ANO4: variants seen among roughly 807,000 people sequenced by gnomAD.
ANO4 encodes anoctamin 4.
ANO4 carries 69 observed loss-of-function variants against 141.9 expected under a neutral mutation model. The ratio of observed to expected loss-of-function variants is 0.49; its 90% confidence interval spans 0.40 to 0.59. The LOEUF is 0.59. Ranked by LOEUF, ANO4 falls within the 20% of genes least tolerant of loss-of-function variation. The probability of loss-of-function intolerance (pLI) is 0.00; values close to 1 mark genes in which losing one functional copy is unlikely to be tolerated. For synonymous variants in ANO4, 350 were observed against 394.3 expected (o/e 0.89, Z 1.33); for missense variants, 894 against 1,162.2 (o/e 0.77, Z 3.36).
chr12:100,827,715 A>G (rs2135759187), intron 1 of ANO4, among the ~76,000 whole-genome samples: 1 of 152,014 alleles, frequency 6.6e-6, no homozygotes, highest in Non-Finnish European at 1.5e-5. Flanking sequence ...TAATAAAAGC[A>G]TTTTTAGCAT....
At chr12:100,733,897 T>A in intron 2 of ANO4, 1 of 674,232 alleles carries the variant, frequency 1.5e-6, no homozygotes. Context: ...AAAAAAATAT[T>A]ATTGCCTGGA....
intron 3 of ANO4, among the ~76,000 whole-genome samples, chr12:100,755,333 C>T (rs1168016768): frequency 6.6e-6 from 1 of 152,128 alleles, no homozygotes; most frequent in Non-Finnish European, 1.5e-5. Context: ...CCGATTCCTC[C>T]TCAAGGGCTT....
chr12:100,818,284 T>C (rs1257018811), intron 1 of ANO4, among the ~76,000 whole-genome samples: 1 of 151,902 alleles, frequency 6.6e-6, no homozygotes, highest in African/African-American at 2.4e-5. Flanking sequence ...AATGGACCAT[T>C]GTTCTAAAGA....
chr12:100,798,000 A>G (rs1400058112), intron 1 of ANO4, among the ~76,000 whole-genome samples: 1 of 152,196 alleles, frequency 6.6e-6, no homozygotes, highest in East Asian at 1.9e-4. Context: ...TTCTGCAGGC[A>G]TTCTTATCAT....
intron 5 of ANO4, among the ~76,000 whole-genome samples, chr12:100,957,752 G>A (rs188986172): frequency 1.5e-3 from 236 of 152,304 alleles, no homozygotes; most frequent in African/African-American, 2.7e-3. Flanking sequence ...CGCCAAGCCC[G>A]GCTACTTTCC....
chr12:100,814,862 A>T (rs2135716203), intron 1 of ANO4, among the ~76,000 whole-genome samples: 1 of 152,254 alleles, frequency 6.6e-6, no homozygotes, highest in East Asian at 1.9e-4. Context: ...GTTTGGGGAC[A>T]TGAGGTTCAC....
chr12:100,763,660 A>G (rs1453263619), intron 3 of ANO4, among the ~76,000 whole-genome samples: 2 of 152,164 alleles, frequency 1.3e-5, no homozygotes, highest in Non-Finnish European at 2.9e-5. Flanking sequence ...TGTCTGGTAT[A>G]CTGCTCCCTT....
chr12:100,864,038 T>G (rs1017975506), intron 1 of ANO4, among the ~76,000 whole-genome samples: 1 of 152,176 alleles, frequency 6.6e-6, no homozygotes, highest in East Asian at 1.9e-4. Context: ...TTCCTCTGGG[T>G]TGGCTTCCTT....
chr12:101,012,154 A>T (rs965152985), intron 8 of ANO4, among the ~76,000 whole-genome samples: 1 of 152,108 alleles, frequency 6.6e-6, no homozygotes, highest in East Asian at 1.9e-4. Context: ...GTGGTTCTCT[A>T]TGGGAATCAC....
intron 16 of ANO4, 127 bp from the exon 17 acceptor site, chr12:101,086,533 G>A: frequency 1.1e-6 from 1 of 950,380 alleles, no homozygotes; most frequent in South Asian, 1.6e-5. Context: ...GCATTTGATT[G>A]TGATCTCTTG....
chr12:101,042,782 T>A (rs1412413336), intron 12 of ANO4, among the ~76,000 whole-genome samples: 1 of 152,212 alleles, frequency 6.6e-6, no homozygotes, highest in African/African-American at 2.4e-5. Flanking sequence ...TTTTCTTAGC[T>A]GATACTGCAA....
At chr12:101,020,862 T>C (rs1318607199) in intron 9 of ANO4, among the ~76,000 whole-genome samples, 1 of 152,198 alleles carries the variant, frequency 6.6e-6, no homozygotes, top group African/African-American at 2.4e-5. Flanking sequence ...TTCTTATCTC[T>C]TTTTCCAGCA....
intron 5 of ANO4, among the ~76,000 whole-genome samples, chr12:100,966,346 A>C (rs1278011838): frequency 6.6e-6 from 1 of 152,014 alleles, no homozygotes; most frequent in Non-Finnish European, 1.5e-5. Context: ...CATTTGAACA[A>C]ACTGAGGCAC....
intron 3 of ANO4, among the ~76,000 whole-genome samples, chr12:100,780,491 A>G (rs1396370242): frequency 6.6e-6 from 1 of 152,210 alleles, no homozygotes; most frequent in Non-Finnish European, 1.5e-5. Context: ...GGTCTGGGAA[A>G]GGATTAGGTA....
chr12:100,721,055 A>G (rs528290497), intron 1 of ANO4, among the ~76,000 whole-genome samples: 8 of 152,336 alleles, frequency 5.3e-5, no homozygotes, highest in Non-Finnish European at 1.2e-4. Context: ...GGTGACTCCC[A>G]CATAGAAATC....
chr12:100,834,346 GAC>G (rs1593463595), intron 1 of ANO4, among the ~76,000 whole-genome samples: 1 of 152,116 alleles, frequency 6.6e-6, no homozygotes, highest in East Asian at 1.9e-4. Flanking sequence ...CACAGCAGGA[GAC>G]ACAGAAGTCC....
intron 1 of ANO4, among the ~76,000 whole-genome samples, chr12:100,811,680 G>A (rs115942765): frequency 0.011 from 1,746 of 152,252 alleles, 42 homozygotes; most frequent in African/African-American, 0.04. Flanking sequence ...CTGACCAAAG[G>A]TTCTAGTTTG....
At chr12:100,902,543 C>T (rs1010280731) in intron 2 of ANO4, among the ~76,000 whole-genome samples, 28 of 152,112 alleles carry the variant, frequency 1.8e-4, no homozygotes, top group East Asian at 3.9e-4. Flanking sequence ...CATCAAATTG[C>T]GAAAGAATTC....
At chr12:101,024,821 G>GT (rs2046668648) in intron 9 of ANO4, among the ~76,000 whole-genome samples, 2 of 152,242 alleles carry the variant, frequency 1.3e-5, no homozygotes, top group South Asian at 4.1e-4. Context: ...GATTTCAAAT[G>GT]TTTTTCTTAG....
Sources: gnomAD v4.1 joint callset for allele counts (sites outside exome capture counted in the v4.1 genomes callset) on GRCh38, gnomAD v4.1.1 for gene constraint, MANE v1.5 for transcripts, NCBI Gene and HGNC (gene_info 2026-07-23, HGNC 2026-07-21) for gene names.